RARB: variants seen among roughly 807,000 people sequenced by gnomAD.
RARB encodes the protein HBV-activated protein.
Under a neutral mutation model 51.9 loss-of-function variants are expected in RARB, and 17 were observed. The ratio of observed to expected loss-of-function variants is 0.33; its 90% CI spans 0.22 to 0.49. The LOEUF (loss-of-function observed/expected upper bound fraction) is 0.49. Ranked by LOEUF, RARB falls within the 20% of genes least tolerant of loss-of-function variation. The pLI, the probability that RARB is intolerant of heterozygous loss-of-function variation, is 0.99. For missense variants in RARB, 369 were observed against 550.8 expected, an observed-to-expected ratio of 0.67 and a Z score of 3.30; for synonymous variants, 215 against 195.4, an observed-to-expected ratio of 1.10 and a Z score of -0.84.
chr3:25,147,700 C>G (rs1437038660), intron 4 of RARB, among the ~76,000 whole-genome samples: 1 of 152,088 alleles, frequency 6.6e-6, no homozygotes, highest in Non-Finnish European at 1.5e-5. Context: ...TAAGGAATAC[C>G]TAGGCATCCT....
chr3:24,916,962 A>G lies in RARB; in HGVS notation c.-380+58210A>G, dbSNP rs1695119879. On this transcript the variant is annotated intron_variant, in intron 2 of 11. Transcript: ENST00000383772. ...GGAAGAAACATAACACAAACTGTAC[A>G]CATTCAATTATTCCATTTGTATGAA... Among the ~76,000 whole-genome samples, 3 of 152,324 alleles carry G rather than the reference A, an allele frequency of 2.0e-5. No individual in the cohort carries two copies. The South Asian group carries it at 6.2e-4, about 32-fold the overall frequency.
chr3:25,213,764 A>G (rs1701754019), intron 5 of RARB, among the ~76,000 whole-genome samples: 1 of 152,204 alleles, frequency 6.6e-6, no homozygotes, highest in Non-Finnish European at 1.5e-5. Flanking sequence ...TCATTCACCA[A>G]AGATGTCAAA....
intron 4 of RARB, among the ~76,000 whole-genome samples, chr3:25,162,401 C>T (rs945689015): frequency 6.6e-6 from 1 of 152,122 alleles, no homozygotes; most frequent in African/African-American, 2.4e-5. Flanking sequence ...AAACCACACG[C>T]CCAGCCATTC....
intron 3 of RARB, among the ~76,000 whole-genome samples, chr3:25,566,154 G>A (rs532965504): frequency 1.3e-5 from 2 of 152,280 alleles, no homozygotes; most frequent in South Asian, 4.1e-4. Flanking sequence ...GTGGTTCTTG[G>A]CAGCCCTTCT....
chr3:25,282,207 C>G (rs1703540972), intron 5 of RARB, among the ~76,000 whole-genome samples: 2 of 152,190 alleles, frequency 1.3e-5, no homozygotes, highest in Non-Finnish European at 2.9e-5. Flanking sequence ...ACCACCTCTT[C>G]CCTCCGTTGC....
intron 2 of RARB, among the ~76,000 whole-genome samples, chr3:25,478,049 ATGG>A (rs1167731718): frequency 3.9e-5 from 6 of 152,176 alleles, no homozygotes; most frequent in African/African-American, 1.4e-4. Flanking sequence ...TCCTTACAAA[ATGG>A]TGGTCTCAGA....
intron 2 of RARB, among the ~76,000 whole-genome samples, chr3:24,907,836 A>C (rs6784756): frequency 0.36 from 54,931 of 151,778 alleles, 12,763 homozygotes; most frequent in East Asian, 0.75. Flanking sequence ...AATGAACTTA[A>C]TATATTACCA....
chr3:25,293,730 A>G (rs1204586595), intron 5 of RARB, among the ~76,000 whole-genome samples: 1 of 151,966 alleles, frequency 6.6e-6, no homozygotes, highest in Non-Finnish European at 1.5e-5. Flanking sequence ...GAAATGTCTC[A>G]GGTTTAGGAG....
chr3:25,257,318 G>C (rs1702890317), intron 5 of RARB, among the ~76,000 whole-genome samples: 1 of 152,070 alleles, frequency 6.6e-6, no homozygotes, highest in Non-Finnish European at 1.5e-5. Flanking sequence ...GCACAGAGGA[G>C]TGAGAGTAGA....
chr3:25,452,177 A>G (rs1472777754), intron 1 of RARB, among the ~76,000 whole-genome samples: 1 of 152,254 alleles, frequency 6.6e-6, no homozygotes, highest in Non-Finnish European at 1.5e-5. Flanking sequence ...GAACACTGGC[A>G]TAAGCTATCT....
upstream of RARB, among the ~76,000 whole-genome samples, chr3:25,426,360 A>C (rs1218659666): frequency 5.3e-5 from 8 of 152,258 alleles, no homozygotes; most frequent in Non-Finnish European, 8.8e-5. Flanking sequence ...TATTGCCCTG[A>C]ACTTTTCAAT....
At chr3:24,990,125 CT>C (rs199516505) in intron 2 of RARB, among the ~76,000 whole-genome samples, 65,704 of 87,648 alleles carry the variant, frequency 0.75, 29,149 homozygotes, top group East Asian at 0.83. Context: ...TGGAACTTTT[CT>C]TTTTTTTTTT....
chr3:24,998,356 G>A (rs1009559018), intron 2 of RARB, among the ~76,000 whole-genome samples: 2 of 144,230 alleles, frequency 1.4e-5, no homozygotes, highest in South Asian at 4.7e-4. Flanking sequence ...AATTCATTTT[G>A]TTAACACAGG....
chr3:25,171,652 A>AACAAAACAAAAAAAAC (rs1219422214), intron 4 of RARB, among the ~76,000 whole-genome samples: 3 of 147,002 alleles, frequency 2.0e-5, no homozygotes, highest in African/African-American at 7.5e-5. Flanking sequence ...GTAAAAAAAA[A>AACAAAACAAAAAAAAC]AAAAAAAAAC....
At chr3:25,497,123 G>A (rs896729633) in intron 2 of RARB, among the ~76,000 whole-genome samples, 3 of 152,212 alleles carry the variant, frequency 2.0e-5, no homozygotes, top group African/African-American at 4.8e-5. Flanking sequence ...ACCCTCAGGT[G>A]ATCCGCCCAC....
intron 3 of RARB, among the ~76,000 whole-genome samples, chr3:25,504,770 CTTTTTTT>C (rs61498243): frequency 1.6e-5 from 2 of 126,050 alleles, no homozygotes; most frequent in Non-Finnish European, 1.6e-5. Context: ...ACATTAACCA[CTTTTTTT>C]TTTTTTTTTT....
intron 5 of RARB, among the ~76,000 whole-genome samples, chr3:25,394,463 G>A (rs959247919): frequency 2.6e-5 from 4 of 152,088 alleles, no homozygotes; most frequent in Non-Finnish European, 5.9e-5. Context: ...TTGACTTTCT[G>A]TGTTGATGAC....
rs369358147 is a variant in RARB at position 25,034,865 on chromosome 3, G to A, written c.-379-25260G>A. ...TCAGAAGACCTGGAAACATTGGAGT[G>A]CCATTTCCATGTGGCAACTGCAGCT... On this transcript the variant is annotated intron_variant, in intron 2 of 11. Transcript: ENST00000383772. 4.6e-5 allele frequency among the ~76,000 whole-genome samples: 7 copies of A among 152,312 alleles called. No homozygotes were observed. In the East Asian group the frequency reaches 9.6e-4, roughly 21 times the overall value.
At chr3:25,284,680 A>T (rs1703606273) in intron 5 of RARB, among the ~76,000 whole-genome samples, 1 of 152,132 alleles carries the variant, frequency 6.6e-6, no homozygotes. Flanking sequence ...ACTCAGGATT[A>T]AAAGTCAGAA....
Sources: gnomAD v4.1 joint callset for allele counts (sites outside exome capture counted in the v4.1 genomes callset) on GRCh38, gnomAD v4.1.1 for gene constraint, MANE v1.5 for transcripts, NCBI Gene and HGNC (gene_info 2026-07-23, HGNC 2026-07-21) for gene names.